The following SHANK2 variants were observed in gnomAD, a reference collection of about 807,000 sequenced individuals.
The protein encoded by SHANK2 is SH3 and multiple ankyrin repeat domains 2.
In SHANK2, 43 loss-of-function variants were observed where a neutral mutation model predicts 133.7. That is an observed-to-expected ratio of 0.32 (90% CI 0.25 to 0.41). SHANK2 has a LOEUF of 0.41. Ranked by LOEUF, SHANK2 falls within the 10% of genes least tolerant of loss-of-function variation. The probability of loss-of-function intolerance (pLI) is 1.00; values close to 1 mark genes in which losing one functional copy is unlikely to be tolerated. For synonymous variants in SHANK2, 1,017 were observed against 952.8 expected (o/e 1.07, Z -1.24); for missense variants, 1,994 against 2,235.8 (o/e 0.89, Z 2.18).
chr11:70,490,461 A>G, intron 22 of SHANK2, 74 bp from the exon 23 acceptor site: 1 of 1,263,334 alleles, frequency 7.9e-7, no homozygotes, highest in Non-Finnish European at 1.2e-6. Context: ...CCCAGAGACC[A>G]CAAGGGAACT....
At chr11:71,227,054 A>T (rs547339568) in intron 1 of SHANK2, among the ~76,000 whole-genome samples, 1 of 152,278 alleles carries the variant, frequency 6.6e-6, no homozygotes, top group Non-Finnish European at 1.5e-5. Flanking sequence ...TATACATGAT[A>T]TAATGCCTAG....
chr11:70,548,907 A>G (rs1230874418), intron 17 of SHANK2, among the ~76,000 whole-genome samples: 1 of 152,112 alleles, frequency 6.6e-6, no homozygotes, highest in Non-Finnish European at 1.5e-5. Context: ...TGCTGCTGCA[A>G]GCCAAGGGGT....
chr11:71,085,898 AT>A (rs1204742234), intron 8 of SHANK2, among the ~76,000 whole-genome samples: 290 of 884 alleles, frequency 0.33, 13 homozygotes, highest in East Asian at 0.5. Context: ...TAATATATAT[AT>A]TAATTATATA....
intron 10 of SHANK2, among the ~76,000 whole-genome samples, chr11:70,933,497 C>G (rs1460041040): frequency 6.6e-6 from 1 of 152,148 alleles, no homozygotes; most frequent in Admixed American, 6.5e-5. Context: ...GAGAAATGAT[C>G]AAAATTGATA....
chr11:71,163,093 A>AAACATGTATATATATATATATATATAT, intron 2 of SHANK2, among the ~76,000 whole-genome samples: 1 of 84,678 alleles, frequency 1.2e-5, no homozygotes, highest in Non-Finnish European at 2.5e-5. Context: ...AAAAAAAAAA[A>AAACATGTATATATATATATATATATAT]ATACATATAT....
At chr11:70,510,602 C>T (rs891246516) in intron 17 of SHANK2, among the ~76,000 whole-genome samples, 3 of 152,230 alleles carry the variant, frequency 2.0e-5, no homozygotes, top group Non-Finnish European at 4.4e-5. Flanking sequence ...GATCCTGTCC[C>T]TCCTTTCCCT....
chr11:70,616,437 G>A (rs1389098445), intron 17 of SHANK2, among the ~76,000 whole-genome samples: 1 of 152,158 alleles, frequency 6.6e-6, no homozygotes, highest in African/African-American at 2.4e-5. Context: ...GCTGAGCAGA[G>A]GATGTGAATT....
rs557429917 is a variant in SHANK2, at chr11:71,091,043, A to G, written c.912+1379T>C. On this transcript the variant is annotated intron_variant, in intron 8 of 25. Coordinates refer to ENST00000601538, the MANE Select transcript of SHANK2 (RefSeq NM_012309.5). ...AACAACTAGAATATTGTTTGATCAA[A>G]TATCTAGGAGCTAGAGCCTAGCCAA... Among the ~76,000 whole-genome samples, 9 of 152,348 alleles carry G rather than the reference A, an allele frequency of 5.9e-5. No homozygotes were observed. The South Asian group carries it at 1.9e-3, about 32-fold the overall frequency.
At chr11:71,095,031 C>T (rs1217368602) in intron 6 of SHANK2, among the ~76,000 whole-genome samples, 8 of 152,244 alleles carry the variant, frequency 5.3e-5, no homozygotes, top group Non-Finnish European at 1.5e-5. Flanking sequence ...GCTTCCCGTA[C>T]AGAAGGAGTG....
intron 17 of SHANK2, among the ~76,000 whole-genome samples, chr11:70,572,914 A>G (rs1652806939): frequency 6.6e-6 from 1 of 152,164 alleles, no homozygotes; most frequent in Admixed American, 6.5e-5. Flanking sequence ...AGAGAAATGA[A>G]GGCACCTAAC....
intron 3 of SHANK2, among the ~76,000 whole-genome samples, chr11:71,129,274 G>A (rs1952250016): frequency 6.6e-6 from 1 of 152,196 alleles, no homozygotes; most frequent in South Asian, 2.1e-4. Flanking sequence ...TCAGTGGACT[G>A]TGCAGACCAT....
At chr11:70,641,594 C>T (rs533313459) in intron 17 of SHANK2, among the ~76,000 whole-genome samples, 1 of 152,332 alleles carries the variant, frequency 6.6e-6, no homozygotes, top group South Asian at 2.1e-4. Context: ...TGCACTTTCT[C>T]TTCTGCCAGC....
In SHANK2 at chr11:71,116,086, G is replaced by A. The variant is rs117008680; in HGVS notation, c.412-2722C>T. Among the ~76,000 whole-genome samples, 68 of 152,268 alleles carry A rather than the reference G, an allele frequency of 4.5e-4. No individual in the cohort carries two copies. In the East Asian group the frequency reaches 0.011, roughly 25 times the overall value. On this transcript the variant is annotated intron_variant, in intron 4 of 25. Transcript: ENST00000601538. ...AATCTGACACATGGTCCACACTGGG[G>A]ATCCCAATAACCTCAGCCTCAGTGT...
intron 17 of SHANK2, among the ~76,000 whole-genome samples, chr11:70,570,147 G>A (rs1201698913): frequency 3.9e-5 from 6 of 152,216 alleles, no homozygotes; most frequent in African/African-American, 1.4e-4. Context: ...TGACAAGAGG[G>A]AACTTCTGTG....
chr11:70,738,796 G>A (rs1555034134), intron 14 of SHANK2, among the ~76,000 whole-genome samples: 2 of 152,222 alleles, frequency 1.3e-5, no homozygotes, highest in East Asian at 3.9e-4. Flanking sequence ...GGAGGGAAGT[G>A]GTAGTTTACA....
chr11:70,742,049 G>T (rs1169361165), intron 14 of SHANK2, among the ~76,000 whole-genome samples: 1 of 152,182 alleles, frequency 6.6e-6, no homozygotes, highest in Non-Finnish European at 1.5e-5. Flanking sequence ...CTGTAAAATG[G>T]AGTAATGAAA....
intron 15 of SHANK2, among the ~76,000 whole-genome samples, chr11:70,681,901 G>A (rs1945036746): frequency 6.6e-6 from 1 of 152,142 alleles, no homozygotes; most frequent in Admixed American, 6.5e-5. Context: ...AGATGTGGAG[G>A]GGCGGACATC....
chr11:70,517,033 A>G (rs146596116), intron 17 of SHANK2, among the ~76,000 whole-genome samples: 11 of 152,198 alleles, frequency 7.2e-5, no homozygotes, highest in Admixed American at 7.2e-4. Flanking sequence ...AGATGGTGCC[A>G]CTGCACTCCA....
At chr11:70,513,834 A>G (rs1213599222) in intron 17 of SHANK2, among the ~76,000 whole-genome samples, 4 of 152,228 alleles carry the variant, frequency 2.6e-5, no homozygotes, top group African/African-American at 7.2e-5. Context: ...AGAGAAAAAA[A>G]GATTTTAAAA....
Sources: allele counts gnomAD v4.1 joint callset (sites outside exome capture counted in the v4.1 genomes callset), GRCh38; gene constraint gnomAD v4.1.1; transcripts MANE v1.5; gene names NCBI Gene and HGNC (gene_info 2026-07-23, HGNC 2026-07-21).